Variants in GALNTL6 observed in about 807,000 individuals in gnomAD.
The protein encoded by GALNTL6 is polypeptide N-acetylgalactosaminyltransferase-like 6.
Under a neutral mutation model 73.7 loss-of-function variants are expected in GALNTL6, and 46 were observed. That is an observed-to-expected ratio of 0.62 (90% confidence interval 0.49 to 0.80). GALNTL6 has a LOEUF of 0.80. Among genes scored for constraint, GALNTL6 ranks in the 30% least tolerant of loss-of-function variants. GALNTL6 has a pLI of 0.00. For synonymous variants in GALNTL6, 259 were observed against 263.7 expected, an observed-to-expected ratio of 0.98 and a Z score of 0.17; for missense variants, 604 against 755.0, an observed-to-expected ratio of 0.80 and a Z score of 2.34.
At chr4:172,305,878 GATTC>G (rs1432352311) in intron 3 of GALNTL6, among the ~76,000 whole-genome samples, 2 of 152,074 alleles carry the variant, frequency 1.3e-5, no homozygotes, top group Non-Finnish European at 2.9e-5. Context: ...TATCTCATGA[GATTC>G]ATCACTCTGA....
chr4:172,639,221 A>C (rs530917852), intron 5 of GALNTL6, among the ~76,000 whole-genome samples: 1 of 152,212 alleles, frequency 6.6e-6, no homozygotes, highest in South Asian at 2.1e-4. Context: ...TCTTGCCTGT[A>C]ACAATTGTTA....
chr4:172,561,238 C>T (rs981059340), intron 5 of GALNTL6, among the ~76,000 whole-genome samples: 1 of 111,946 alleles, frequency 8.9e-6, no homozygotes, highest in South Asian at 3.0e-4. Flanking sequence ...CCGGCCTGGG[C>T]GACAGAGAGA....
chr4:172,762,753 T>C (rs1738185364), intron 5 of GALNTL6, among the ~76,000 whole-genome samples: 2 of 145,366 alleles, frequency 1.4e-5, no homozygotes, highest in South Asian at 2.2e-4. Flanking sequence ...TAAAAATTAC[T>C]CTTCAAATTA....
intron 5 of GALNTL6, among the ~76,000 whole-genome samples, chr4:172,767,998 A>G (rs1738542678): frequency 6.6e-6 from 1 of 152,088 alleles, no homozygotes; most frequent in African/African-American, 2.4e-5. Flanking sequence ...GACTGCAAAG[A>G]GGTATAAAGA....
chr4:172,752,946 T>C (rs1022258029), intron 5 of GALNTL6, among the ~76,000 whole-genome samples: 5 of 152,232 alleles, frequency 3.3e-5, no homozygotes, highest in Admixed American at 6.5e-5. Flanking sequence ...ATCTACATTC[T>C]ATTATTTTCA....
intron 2 of GALNTL6, among the ~76,000 whole-genome samples, chr4:172,171,525 A>G (rs1274602553): frequency 6.6e-6 from 1 of 152,056 alleles, no homozygotes; most frequent in Non-Finnish European, 1.5e-5. Context: ...GCACCAGTCA[A>G]CTCAAAAGAT....
rs972165418 is a variant in GALNTL6 at position 172,130,379 on chromosome 4, T to C, written c.139-99277T>C. On this transcript the variant is annotated intron_variant, in intron 2 of 12. Transcript: ENST00000506823. ...AATCATTTCTTAATTTTCCAGGTAA[T>C]CTGTAAAAAGATAATTAAAAGTGCC... Among the ~76,000 whole-genome samples the C allele has an allele frequency of 5.9e-4, 90 of 152,006 alleles. 1 individual carries two copies. Among genetic ancestry groups the C allele is most frequent in the African/African-American group, 2.0e-3 (85 of 41,498 alleles).
At chr4:172,982,266 G>C (rs1223726865) in intron 10 of GALNTL6, among the ~76,000 whole-genome samples, 2 of 152,108 alleles carry the variant, frequency 1.3e-5, no homozygotes, top group Admixed American at 6.5e-5. Context: ...GGCTTCCCAG[G>C]TTCCTCAGAG....
intron 2 of GALNTL6, among the ~76,000 whole-genome samples, chr4:172,069,522 G>GTATGACATATGTGTGTTATA (rs1731461334): frequency 1.8e-5 from 1 of 56,032 alleles, no homozygotes; most frequent in East Asian, 3.2e-4. Flanking sequence ...TATGTTATAT[G>GTATGACATATGTGTGTTATA]TATAACACAT....
chr4:172,290,576 C>T (rs1739430047), intron 3 of GALNTL6, among the ~76,000 whole-genome samples: 1 of 151,918 alleles, frequency 6.6e-6, no homozygotes, highest in African/African-American at 2.4e-5. Context: ...ATAGTCTTTC[C>T]TTTGAAAATA....
intron 3 of GALNTL6, among the ~76,000 whole-genome samples, chr4:172,281,186 G>C (rs888639702): frequency 6.6e-6 from 1 of 151,770 alleles, no homozygotes; most frequent in African/African-American, 2.4e-5. Context: ...AAACAAAAAA[G>C]CAATGCAAAT....
In GALNTL6 at chr4:172,880,026, T is replaced by C. The variant is rs139760485; in HGVS notation, c.924-2764T>C. On this transcript the variant is annotated intron_variant, in intron 7 of 12. Coordinates refer to ENST00000506823, the MANE Select transcript of GALNTL6 (RefSeq NM_001034845.3). ...ACCATAACAAGTGTTGGTGAGGACA[T>C]GAAGTAAATGGAACTCAACACTGCT... 4.7e-3 allele frequency among the ~76,000 whole-genome samples: 713 copies of C among 152,150 alleles called. 7 individuals are homozygous for C. Among genetic ancestry groups the C allele is most frequent in the African/African-American group, 0.014 (601 of 41,544 alleles).
At chr4:172,595,441 T>G (rs1467857874) in intron 5 of GALNTL6, among the ~76,000 whole-genome samples, 3 of 152,200 alleles carry the variant, frequency 2.0e-5, no homozygotes, top group Non-Finnish European at 2.9e-5. Context: ...GAATAGAAGC[T>G]ATTGAACCCA....
intron 5 of GALNTL6, among the ~76,000 whole-genome samples, chr4:172,754,843 CAA>C (rs56376727): frequency 1.4e-3 from 182 of 128,862 alleles, no homozygotes; most frequent in Non-Finnish European, 1.6e-3. Flanking sequence ...TCACTTCCAC[CAA>C]AAAAAAAAAA....
intron 2 of GALNTL6, among the ~76,000 whole-genome samples, chr4:172,077,152 T>C (rs1016610971): frequency 9.9e-5 from 15 of 152,164 alleles, no homozygotes; most frequent in Non-Finnish European, 1.5e-4. Flanking sequence ...GGTAGTTCTT[T>C]ATAGAGTGTG....
At chr4:172,748,878 C>A (rs577741158) in intron 5 of GALNTL6, among the ~76,000 whole-genome samples, 4 of 135,636 alleles carry the variant, frequency 2.9e-5, no homozygotes, top group African/African-American at 1.1e-4. Context: ...CACATATTTT[C>A]TTTTGTTGTT....
intron 2 of GALNTL6, among the ~76,000 whole-genome samples, chr4:171,939,028 A>G (rs1047363334): frequency 6.6e-6 from 1 of 151,994 alleles, no homozygotes; most frequent in African/African-American, 2.4e-5. Context: ...TCTTAAGTTG[A>G]CATTGATCTC....
chr4:172,158,273 A>T (rs779493027), intron 2 of GALNTL6, among the ~76,000 whole-genome samples: 1 of 152,024 alleles, frequency 6.6e-6, no homozygotes, highest in Non-Finnish European at 1.5e-5. Context: ...GTGTCATGAA[A>T]TTTTTTTCAA....
chr4:172,828,073 A>C (rs937475862), intron 7 of GALNTL6, among the ~76,000 whole-genome samples: 1 of 151,962 alleles, frequency 6.6e-6, no homozygotes, highest in East Asian at 1.9e-4. Flanking sequence ...GGAGTTCGAG[A>C]CCAGCCTGGC....
Sources: allele counts gnomAD v4.1 joint callset (sites outside exome capture counted in the v4.1 genomes callset), GRCh38; gene constraint gnomAD v4.1.1; transcripts MANE v1.5; gene names NCBI Gene and HGNC (gene_info 2026-07-23, HGNC 2026-07-21).